Variants in EBF2 observed in about 807,000 individuals in gnomAD.
The protein encoded by EBF2 is EBF transcription factor 2.
EBF2 carries 21 observed loss-of-function variants against 72.8 expected under a neutral mutation model. That is an observed-to-expected ratio of 0.29 (90% confidence interval 0.20 to 0.42). EBF2 has a LOEUF of 0.42. Among genes scored for constraint, EBF2 ranks in the 10% least tolerant of loss-of-function variants. The pLI, the probability that EBF2 is intolerant of heterozygous loss-of-function variation, is 1.00. For synonymous variants in EBF2, 299 were observed against 274.2 expected (o/e 1.09, Z -0.89); for missense variants, 637 against 731.2 (o/e 0.87, Z 1.49).
rs548997195 is a variant in EBF2 at position 25,885,800 on chromosome 8, C to T, written c.1009+955G>A. On this transcript the variant is annotated intron_variant, in intron 10 of 15. Coordinates refer to ENST00000520164, the MANE Select transcript of EBF2 (RefSeq NM_022659.4). ...CCCCAGCCACTTGGAACTATGAGTC[C>T]ATTGAAACTCTTTTTCTTTAAAAAT... Among the ~76,000 whole-genome samples, 7 of 152,286 alleles carry T rather than the reference C, an allele frequency of 4.6e-5. No homozygotes were observed. The South Asian group carries it at 1.5e-3, about 32-fold the overall frequency.
intron 9 of EBF2, 63 bp from the exon 10 acceptor site, chr8:25,886,944 G>A (rs954629037): frequency 1.3e-6 from 2 of 1,559,140 alleles, no homozygotes; most frequent in Non-Finnish European, 1.7e-6. Context: ...AAGGACATAA[G>A]GTGTACAACA....
chr8:25,967,357 T>A (rs1054124498), intron 6 of EBF2, among the ~76,000 whole-genome samples: 1 of 152,330 alleles, frequency 6.6e-6, no homozygotes, highest in Admixed American at 6.5e-5. Flanking sequence ...TATATCCCAA[T>A]AAATTCAATA....
At chr8:25,903,015 C>A (rs1802979675) in intron 7 of EBF2, among the ~76,000 whole-genome samples, 2 of 152,076 alleles carry the variant, frequency 1.3e-5, no homozygotes, top group South Asian at 2.1e-4. Flanking sequence ...TAAATCCAGG[C>A]TTTGTGTCCA....
At chr8:25,897,986 T>C (rs890942234) in intron 7 of EBF2, among the ~76,000 whole-genome samples, 4 of 152,202 alleles carry the variant, frequency 2.6e-5, no homozygotes, top group Admixed American at 1.3e-4. Context: ...CATCAGTCAC[T>C]GGGTATTTAT....
rs568503343 is a variant in EBF2 at position 25,848,560 on chromosome 8, G to A, written c.1696+2034C>T. ...TGGGGATGACAGGCCCTGGGAGTCT[G>A]TAAGAAACTTGTCCTGGCCCCATTG... On this transcript the variant is annotated intron_variant, in intron 15 of 15. Transcript: ENST00000520164. Among the ~76,000 whole-genome samples, 33 of 152,310 alleles carry A rather than the reference G, an allele frequency of 2.2e-4. 1 individual carries two copies. In the South Asian group the frequency reaches 6.2e-3, roughly 29 times the overall value.
chr8:25,897,979 CAG>C (rs1416446028), intron 7 of EBF2, among the ~76,000 whole-genome samples: 22 of 152,298 alleles, frequency 1.4e-4, no homozygotes, highest in African/African-American at 4.8e-4. Context: ...GTGTTTCCAT[CAG>C]TCACTGGGTA....
intron 15 of EBF2, among the ~76,000 whole-genome samples, chr8:25,847,112 G>A (rs1382630857): frequency 6.6e-6 from 1 of 152,178 alleles, no homozygotes; most frequent in Non-Finnish European, 1.5e-5. Flanking sequence ...AACTAAGAAT[G>A]GTGATAATGG....
intron 11 of EBF2, among the ~76,000 whole-genome samples, chr8:25,862,479 C>A (rs968551628): frequency 6.6e-6 from 1 of 152,106 alleles, no homozygotes; most frequent in Non-Finnish European, 1.5e-5. Context: ...AAACTGAATA[C>A]TCCTGTCGTG....
intron 7 of EBF2, among the ~76,000 whole-genome samples, chr8:25,893,411 C>T (rs911788381): frequency 2.0e-5 from 3 of 151,634 alleles, no homozygotes; most frequent in South Asian, 2.1e-4. Flanking sequence ...CTCAGCCTCC[C>T]GAGTGGCTGA....
intron 6 of EBF2, among the ~76,000 whole-genome samples, chr8:25,910,289 A>T (rs2117315385): frequency 6.6e-6 from 1 of 152,318 alleles, no homozygotes; most frequent in African/African-American, 2.4e-5. Flanking sequence ...CAATGCTTGC[A>T]AATATTGCCT....
At chr8:26,003,439 G>A (rs1192819986) in intron 6 of EBF2, among the ~76,000 whole-genome samples, 1 of 152,122 alleles carries the variant, frequency 6.6e-6, no homozygotes, top group African/African-American at 2.4e-5. Context: ...GATGAAAGTT[G>A]TTTACGATGA....
chr8:25,875,463 G>A (rs753836507), intron 10 of EBF2, among the ~76,000 whole-genome samples: 2 of 152,138 alleles, frequency 1.3e-5, no homozygotes, highest in Admixed American at 6.5e-5. Context: ...CCAGCGCCAG[G>A]TTCTCTCAAG....
At chr8:25,994,826 A>G (rs1159079123) in intron 6 of EBF2, among the ~76,000 whole-genome samples, 5 of 152,350 alleles carry the variant, frequency 3.3e-5, no homozygotes, top group South Asian at 4.1e-4. Context: ...TATGTGTGCT[A>G]TGTTCACTAC....
intron 6 of EBF2, among the ~76,000 whole-genome samples, chr8:25,947,741 C>A (rs1803795563): frequency 6.6e-6 from 1 of 152,238 alleles, no homozygotes; most frequent in Non-Finnish European, 1.5e-5. Flanking sequence ...TCCCCCTGGG[C>A]TGCTGTTCCT....
At chr8:25,987,468 T>C (rs1804479352) in intron 6 of EBF2, among the ~76,000 whole-genome samples, 2 of 152,100 alleles carry the variant, frequency 1.3e-5, no homozygotes, top group Admixed American at 1.3e-4. Flanking sequence ...GCTCTCCAAG[T>C]CATTTACACC....
chr8:25,914,586 G>A (rs568372913), intron 6 of EBF2, among the ~76,000 whole-genome samples: 6 of 152,324 alleles, frequency 3.9e-5, no homozygotes, highest in African/African-American at 1.4e-4. Context: ...CAGTAACTTG[G>A]TGATGACGCA....
intron 6 of EBF2, among the ~76,000 whole-genome samples, chr8:26,008,112 T>A (rs1263419622): frequency 6.6e-6 from 1 of 151,668 alleles, no homozygotes. Flanking sequence ...TCAATAATAG[T>A]TTTCACCAAC....
chr8:26,009,615 C>T (rs1804944155), intron 6 of EBF2, among the ~76,000 whole-genome samples: 1 of 152,168 alleles, frequency 6.6e-6, no homozygotes, highest in Admixed American at 6.5e-5. Context: ...ATACCGCCCG[C>T]AAATTAAAAG....
At chr8:25,872,863 G>T (rs769739273) in intron 10 of EBF2, among the ~76,000 whole-genome samples, 1 of 152,194 alleles carries the variant, frequency 6.6e-6, no homozygotes, top group African/African-American at 2.4e-5. Flanking sequence ...GCGTAGGAAG[G>T]CATGAAACAC....
Sources: allele counts gnomAD v4.1 joint callset (sites outside exome capture counted in the v4.1 genomes callset), GRCh38; gene constraint gnomAD v4.1.1; transcripts MANE v1.5; gene names NCBI Gene and HGNC (gene_info 2026-07-23, HGNC 2026-07-21).